SLC18A2: variants seen among roughly 807,000 people sequenced by gnomAD.
The protein encoded by SLC18A2 is solute carrier family 18 member A2, also known as synaptic vesicular amine transporter.
In SLC18A2, 33 loss-of-function variants were observed where a neutral mutation model predicts 59.2. The ratio of observed to expected loss-of-function variants is 0.56; its 90% confidence interval spans 0.42 to 0.75. The LOEUF (loss-of-function observed/expected upper bound fraction) is 0.75. Among genes scored for constraint, SLC18A2 ranks in the 30% least tolerant of loss-of-function variants. The pLI is 0.00. For synonymous variants in SLC18A2, 228 were observed against 253.5 expected (o/e 0.90, Z 0.95); for missense variants, 569 against 668.6 (o/e 0.85, Z 1.64).
chr10:117,246,434 G>A (rs545092030), intron 3 of SLC18A2, among the ~76,000 whole-genome samples: 1 of 152,276 alleles, frequency 6.6e-6, no homozygotes, highest in East Asian at 1.9e-4. Flanking sequence ...ATACTCCAAC[G>A]GCTTTGAGGC....
chr10:117,254,822 G>C (rs549352662), intron 6 of SLC18A2, among the ~76,000 whole-genome samples: 8 of 152,300 alleles, frequency 5.3e-5, no homozygotes, highest in African/African-American at 1.9e-4. Context: ...CTTGCTTTCT[G>C]GGTCTGCCTC....
At position 117,254,272 on chromosome 10, in the gene SLC18A2, T is replaced by C. The variant is rs545489687; in HGVS notation, c.608-133T>C. On this transcript the variant is annotated intron_variant, in intron 5 of 15. Coordinates refer to ENST00000644641, the MANE Select transcript of SLC18A2 (RefSeq NM_003054.6). Reference sequence around the variant, plus strand: ...CACCCACTTTCCTCTTGGGTTCTGCTTGGTCTTACATTTTAGTGAATCTGA... The same window carrying C: ...CACCCACTTTCCTCTTGGGTTCTGCCTGGTCTTACATTTTAGTGAATCTGA... The C allele has an allele frequency of 7.7e-6, 9 of 1,164,154 alleles. No homozygotes were observed. In the South Asian group the frequency reaches 1.3e-4, roughly 16 times the overall value. 72.1% of individuals were successfully genotyped at this position (1,164,154 alleles called of 1,614,324 possible).
Position 117,242,304 on chromosome 10 carries a change from A to G in SLC18A2, c.121+490A>G, listed in dbSNP as rs536699004. ...GACTTGAGATGGAAATATTTCAGGA[A>G]CCATTGCAAGAACAATTTGAACAAT... On this transcript the variant is annotated intron_variant, in intron 2 of 15. Transcript: ENST00000644641. Among the ~76,000 whole-genome samples the G allele has an allele frequency of 8.5e-5, 13 of 152,318 alleles. No individual in the cohort carries two copies. In the East Asian group the frequency reaches 2.5e-3, roughly 29 times the overall value.
chr10:117,270,855 A>G (rs1844417347), intron 15 of SLC18A2, among the ~76,000 whole-genome samples: 1 of 152,186 alleles, frequency 6.6e-6, no homozygotes. Flanking sequence ...TAACCCTTAC[A>G]GCATTCAGTA....
chr10:117,241,492 C>T (rs962811926), intron 1 of SLC18A2, among the ~76,000 whole-genome samples, 187 bp from the exon 2 acceptor site: 1 of 152,080 alleles, frequency 6.6e-6, no homozygotes, highest in Admixed American at 6.5e-5. Context: ...CTCGCGGGCG[C>T]TCTTTCCAGG....
At chr10:117,276,307 C>T (rs1230661561) in intron 15 of SLC18A2, among the ~76,000 whole-genome samples, 1 of 151,794 alleles carries the variant, frequency 6.6e-6, no homozygotes, top group Non-Finnish European at 1.5e-5. Context: ...ATTGTAAGGG[C>T]AGCCTGTGAA....
intron 10 of SLC18A2, among the ~76,000 whole-genome samples, chr10:117,260,495 G>A (rs931486306): frequency 6.6e-6 from 1 of 152,272 alleles, no homozygotes; most frequent in East Asian, 1.9e-4. Context: ...GGAAGGTATG[G>A]GGGCGGAAGG....
At chr10:117,254,355 T>C in intron 5 of SLC18A2, 50 bp from the exon 6 acceptor site, 1 of 1,475,412 alleles carries the variant, frequency 6.8e-7, no homozygotes, top group Non-Finnish European at 9.2e-7. Flanking sequence ...CGCATTATTC[T>C]TTTGCTGTTC....
intron 10 of SLC18A2, among the ~76,000 whole-genome samples, chr10:117,260,576 G>A (rs1284516737): frequency 1.3e-5 from 2 of 152,216 alleles, no homozygotes; most frequent in Non-Finnish European, 2.9e-5. Flanking sequence ...TGAGGTGGGA[G>A]TGGAGAAAAA....
At chr10:117,244,625 G>A (rs1056388982) in intron 3 of SLC18A2, among the ~76,000 whole-genome samples, 22 of 152,306 alleles carry the variant, frequency 1.4e-4, no homozygotes, top group Admixed American at 1.3e-3. Context: ...TGTCAGAATC[G>A]CCCTTGGCAG....
chr10:117,257,753 G>C (rs1178148334), intron 9 of SLC18A2, 44 bp from the exon 10 acceptor site: 2 of 1,320,342 alleles, frequency 1.5e-6, no homozygotes, highest in Non-Finnish European at 2.1e-6. Context: ...CTGGAAATGA[G>C]AGAGGAGGCA....
chr10:117,277,058 T>C (rs1844506934), intron 15 of SLC18A2, 104 bp from the exon 16 acceptor site: 2 of 651,458 alleles, frequency 3.1e-6, no homozygotes, highest in South Asian at 4.1e-5. Flanking sequence ...TAGCAAGTAA[T>C]ACTACATAGT....
chr10:117,248,287 C>T (rs1047258364), intron 3 of SLC18A2, among the ~76,000 whole-genome samples: 2 of 152,072 alleles, frequency 1.3e-5, no homozygotes, highest in South Asian at 2.1e-4. Flanking sequence ...TTTAAATATT[C>T]GATAAGTTCT....
chr10:117,266,818 T>C lies in SLC18A2; in HGVS notation c.1070+7T>C. 2 of 1,610,662 alleles carry C rather than the reference T, an allele frequency of 1.2e-6. No homozygotes were observed. The highest frequency in any genetic ancestry group is 1.7e-6 in the Non-Finnish European group (2 of 1,177,242). On this transcript the variant is annotated splice_region_variant and intron_variant, in intron 11 of 15. Transcript: ENST00000644641. ...TTGCACACAAAATGGGGAGGTAAGA[T>C]GATATGAAAACAACACTCATTCTGT...
chr10:117,270,240 A>T, intron 14 of SLC18A2, 50 bp downstream of exon 14: 1 of 1,613,366 alleles, frequency 6.2e-7, no homozygotes, highest in Non-Finnish European at 8.5e-7. Context: ...TACGTAATGG[A>T]TAACGTCTAC....
Position 117,244,309 on chromosome 10 carries a change from A to G in SLC18A2, c.460A>G (p.Asn154Asp). ...ITNPFIGLLT[N>D]RIGYPIPIFA... ...CAACCCTTTCATAGGACTACTGACCAACAGGTAGGGCAGACTACTTTAGTC... is the reference window on the plus strand; with the variant it reads ...CAACCCTTTCATAGGACTACTGACCGACAGGTAGGGCAGACTACTTTAGTC... The change falls in exon 3 of 16, where the codon AAC (asparagine) becomes GAC (aspartate). Residue 154 changes from asparagine to aspartate, a missense_variant. Asn to Asp is a conservative substitution (Grantham distance 23, BLOSUM62 1). This residue lies in a region of SLC18A2 where 377 missense variants were observed against 389.8 expected (regional missense o/e 0.97). Coordinates refer to ENST00000644641, the MANE Select transcript of SLC18A2 (RefSeq NM_003054.6). 3 of 1,613,136 alleles carry G rather than the reference A, an allele frequency of 1.9e-6. No individual in the cohort carries two copies. Among genetic ancestry groups the G allele is most frequent in the Non-Finnish European group, 2.5e-6 (3 of 1,179,406 alleles).
chr10:117,248,469 C>T (rs363336), intron 3 of SLC18A2, among the ~76,000 whole-genome samples: 1 of 152,116 alleles, frequency 6.6e-6, no homozygotes, highest in Non-Finnish European at 1.5e-5. Context: ...GATGACCTGG[C>T]CAATAGCACA....
intron 3 of SLC18A2, among the ~76,000 whole-genome samples, chr10:117,250,110 A>G (rs188698475): frequency 3.1e-4 from 47 of 152,264 alleles, no homozygotes; most frequent in African/African-American, 1.1e-3. Flanking sequence ...CTCTCCTTCT[A>G]TGGTGGGTGC....
At chr10:117,267,074 G>T (rs1844357653) in intron 12 of SLC18A2, 39 bp downstream of exon 12, 1 of 1,524,740 alleles carries the variant, frequency 6.6e-7, no homozygotes, top group South Asian at 1.2e-5. Flanking sequence ...GGAACAATCT[G>T]TGAATAAAAC....
Sources: allele counts gnomAD v4.1 joint callset (sites outside exome capture counted in the v4.1 genomes callset), GRCh38; gene constraint gnomAD v4.1.1; regional missense constraint gnomAD v4.1.1; transcripts MANE v1.5; gene names NCBI Gene and HGNC (gene_info 2026-07-23, HGNC 2026-07-21).